TEX15: variants seen among roughly 807,000 people sequenced by gnomAD.
TEX15 encodes testis-expressed protein 15.
In TEX15, 171 loss-of-function variants were observed where a neutral mutation model predicts 237.3. The ratio of observed to expected loss-of-function variants is 0.72; its 90% CI spans 0.64 to 0.82. The LOEUF (loss-of-function observed/expected upper bound fraction) is 0.82, where lower values mean the gene tolerates loss of function less well. Ranked by LOEUF, TEX15 falls within the 40% of genes least tolerant of loss-of-function variation. The pLI is 0.00. For synonymous variants in TEX15, 1,338 were observed against 1,269.8 expected (o/e 1.05, Z -1.14); for missense variants, 3,750 against 3,646.5 (o/e 1.03, Z -0.73).
intron 4 of TEX15, among the ~76,000 whole-genome samples, chr8:30,868,045 A>T (rs989496014): frequency 6.6e-6 from 1 of 152,014 alleles, no homozygotes; most frequent in African/African-American, 2.4e-5. Context: ...ATCTCTACAC[A>T]TCTATAGACA....
At chr8:30,854,703 A>G (rs751259460) in intron 7 of TEX15, among the ~76,000 whole-genome samples, 10 of 152,138 alleles carry the variant, frequency 6.6e-5, no homozygotes, top group Non-Finnish European at 7.4e-5. Flanking sequence ...AAATCGACAG[A>G]CCAGTATCTC....
chr8:30,864,806 T>C (rs770787126), intron 5 of TEX15, among the ~76,000 whole-genome samples: 1 of 151,928 alleles, frequency 6.6e-6, no homozygotes. Flanking sequence ...ACAAGCAATA[T>C]ACATAATATA....
rs973403684 is a variant in TEX15 at position 30,839,975 on chromosome 8, A to C, written c.8164-11T>G. 1.3e-6 allele frequency: 2 copies of C among 1,548,888 alleles called. No homozygotes were observed. The highest frequency in any genetic ancestry group is 1.7e-6 in the Non-Finnish European group (2 of 1,143,436). ...ATCTTTCATGTCTACCTGTGTTTAA[A>C]AGATACAAAGAAAATCTTCATTAGT... is the stretch of plus-strand genomic sequence containing the variant. On this transcript the variant is annotated splice_polypyrimidine_tract_variant and intron_variant, in intron 8 of 10. Transcript: ENST00000643185.
rs1251438938 is a variant in TEX15, at chr8:30,849,281, T to C, written c.886A>G (p.Lys296Glu). The C allele has an allele frequency of 2.0e-6, 3 of 1,534,576 alleles. No homozygotes were observed. Among genetic ancestry groups the C allele is most frequent in the Non-Finnish European group, 2.6e-6 (3 of 1,146,418 alleles). The change falls in exon 8 of 11, where the codon AAA becomes GAA. Residue 296 changes from lysine to glutamate, a missense_variant. Physicochemically the swap from Lys to Glu is moderately conservative, Grantham distance 56. Coordinates refer to ENST00000643185, the MANE Select transcript of TEX15 (RefSeq NM_001350162.2). ...GCATCTTTTCCTTTTCCAAATCTTT[T>C]GGCCACTGTACAGTTATTCAGAGAG... ...TCSLNNCTVA[K>E]RFGKGKDATV...
In TEX15 at chr8:30,842,027, C is replaced by T. The variant is rs1563231041; in HGVS notation, c.8140G>A (p.Val2714Ile). Residue 2714 changes from valine (V) to isoleucine (I), a missense_variant, in exon 8 of 11, where the codon GTT (valine) becomes ATT (isoleucine). Physicochemically the swap from Val to Ile is conservative, Grantham distance 29 (BLOSUM62 3). Transcript: ENST00000643185. ...ACCTTTAGCTTTTTACAACTGGAAA[C>T]AGTAGTATCTTGCTGTTGTTCCTGA... ...DSQEQQQDTT[V>I]SSCKKLKVDM... 6.3e-7 allele frequency: 1 copy of T among 1,594,720 alleles called. No homozygotes were observed. The highest frequency in any genetic ancestry group is 1.2e-5 in the South Asian group (1 of 85,696).
chr8:30,855,156 T>C (rs1057390008), intron 7 of TEX15, among the ~76,000 whole-genome samples: 1 of 151,972 alleles, frequency 6.6e-6, no homozygotes, highest in Non-Finnish European at 1.5e-5. Flanking sequence ...AGTAAAATTT[T>C]CTCTATTCAC....
Position 30,844,835 on chromosome 8 carries a change from G to C in TEX15, c.5332C>G (p.Leu1778Val). Reference sequence around the variant, plus strand: ...TTTGTTTCATTCCCATCTGTATGGAGGCAATTACCTGAAGAGCACTGTTCT... The same window carrying C: ...TTTGTTTCATTCCCATCTGTATGGACGCAATTACCTGAAGAGCACTGTTCT... ...KTEQCSSGNC[L>V]HTDGNETNVT... Residue 1778 changes from leucine to valine, a missense_variant, in exon 8 of 11, where the codon CTC becomes GTC. Physicochemically the swap from Leu to Val is conservative, Grantham distance 32 (BLOSUM62 1). Coordinates refer to ENST00000643185, the MANE Select transcript of TEX15 (RefSeq NM_001350162.2). 6.2e-7 allele frequency: 1 copy of C among 1,613,422 alleles called. No individual in the cohort carries two copies. The highest frequency in any genetic ancestry group is 8.5e-7 in the Non-Finnish European group (1 of 1,179,582).
In TEX15 at chr8:30,844,871, G is replaced by A; in HGVS notation, c.5296C>T (p.Leu1766Phe). The A allele has an allele frequency of 6.2e-7, 1 of 1,613,346 alleles. No individual in the cohort carries two copies. Among genetic ancestry groups the A allele is most frequent in the Non-Finnish European group, 8.5e-7 (1 of 1,179,548 alleles). The change falls in exon 8 of 11, where the codon CTT (leucine) becomes TTT (phenylalanine). Residue 1766 changes from leucine to phenylalanine, a missense_variant. By Grantham distance (22) the Leu-to-Phe change is conservative. Coordinates refer to ENST00000643185, the MANE Select transcript of TEX15 (RefSeq NM_001350162.2). ...GAAGAGCACTGTTCTGTCTTTAGAA[G>A]CTCTTTTTCTCTACAGCTCTGCTCA... ...HCEQSCREKE[L>F]LKTEQCSSGN...
chr8:30,850,383 G>C (rs144268125), intron 7 of TEX15, among the ~76,000 whole-genome samples: 214 of 152,216 alleles, frequency 1.4e-3, no homozygotes, highest in African/African-American at 4.7e-3. Context: ...AACATTCATA[G>C]CTAAGTAACA....
intron 8 of TEX15, among the ~76,000 whole-genome samples, chr8:30,841,521 T>C (rs1346514569): frequency 6.6e-6 from 1 of 152,256 alleles, no homozygotes; most frequent in Non-Finnish European, 1.5e-5. Flanking sequence ...ATGTATTTAA[T>C]ATAGGACTTT....
chr8:30,855,768 T>G (rs1409378141), intron 7 of TEX15, among the ~76,000 whole-genome samples: 5 of 152,122 alleles, frequency 3.3e-5, no homozygotes, highest in Non-Finnish European at 7.3e-5. Context: ...AATAAAGTAC[T>G]GATACATGCT....
At chr8:30,872,111 G>T (rs531473267) in intron 4 of TEX15, among the ~76,000 whole-genome samples, 9,268 of 152,058 alleles carry the variant, frequency 0.061, 510 homozygotes, top group Admixed American at 0.19. Flanking sequence ...ACAAGCCTCT[G>T]GGACCTTCCC....
At chr8:30,890,346 A>C (rs1808771305) in intron 2 of TEX15, among the ~76,000 whole-genome samples, 1 of 152,210 alleles carries the variant, frequency 6.6e-6, no homozygotes, top group Admixed American at 6.5e-5. Context: ...AAATAAAAAC[A>C]ATGAATAATC....
intron 2 of TEX15, among the ~76,000 whole-genome samples, chr8:30,891,912 T>C (rs1014216893): frequency 8.5e-5 from 13 of 152,258 alleles, no homozygotes; most frequent in Admixed American, 5.2e-4. Context: ...TATGAGATAC[T>C]ATCTTTTTTG....
intron 6 of TEX15, 88 bp downstream of exon 6, chr8:30,859,823 T>C: frequency 9.6e-7 from 1 of 1,039,164 alleles, no homozygotes; most frequent in Non-Finnish European, 1.3e-6. Flanking sequence ...ATTAAGAGAT[T>C]TTCATTTAAC....
At chr8:30,894,558 C>T (rs1381833523) in intron 2 of TEX15, among the ~76,000 whole-genome samples, 2 of 152,150 alleles carry the variant, frequency 1.3e-5, no homozygotes, top group Non-Finnish European at 2.9e-5. Context: ...TAAGCCTTCA[C>T]ATATATGGTG....
intron 3 of TEX15, among the ~76,000 whole-genome samples, chr8:30,876,806 C>T (rs1808408011): frequency 6.6e-6 from 1 of 152,166 alleles, no homozygotes; most frequent in Admixed American, 6.5e-5. Flanking sequence ...ACCCAGATCT[C>T]ATCTTGTAGT....
intron 3 of TEX15, among the ~76,000 whole-genome samples, chr8:30,884,757 C>T (rs529953149): frequency 7.2e-5 from 11 of 152,210 alleles, no homozygotes; most frequent in Middle Eastern, 3.4e-3. Flanking sequence ...ATCAACTTTA[C>T]TGATCTTTTC....
rs142018907 is a variant in TEX15, at chr8:30,846,594, C to T, written c.3573G>A (p.Pro1191=). 1.2e-5 allele frequency: 19 copies of T among 1,613,794 alleles called. No homozygotes were observed. Among genetic ancestry groups the T allele is most frequent in the Middle Eastern group, 1.6e-4 (1 of 6,062 alleles). ...FCTHVTEATK[P]EINKEDGEIL... is the part of the protein sequence containing the mutation. ...TTTCTCCATCTTCCTTATTTATTTCCGGTTTTGTGGCTTCAGTTACATGTG... is the reference window on the plus strand; with the variant it reads ...TTTCTCCATCTTCCTTATTTATTTCTGGTTTTGTGGCTTCAGTTACATGTG... The change falls in exon 8 of 11, where the codon CCG becomes CCA. Residue 1191 remains proline, a synonymous_variant. Transcript: ENST00000643185.
Sources: gnomAD v4.1 joint callset for allele counts (sites outside exome capture counted in the v4.1 genomes callset) on GRCh38, gnomAD v4.1.1 for gene constraint, MANE v1.5 for transcripts, NCBI Gene and HGNC (gene_info 2026-07-23, HGNC 2026-07-21) for gene names.